Variants in FANCA observed in about 807,000 individuals in gnomAD.
The protein encoded by FANCA is FA complementation group A.
FANCA carries 236 observed loss-of-function variants against 194.3 expected under a neutral mutation model. The ratio of observed to expected loss-of-function variants is 1.21; its 90% CI spans 1.09 to 1.35. The LOEUF (loss-of-function observed/expected upper bound fraction) is 1.35. FANCA is among the 40% of genes most tolerant of loss of function. The probability of loss-of-function intolerance (pLI) is 0.00; values close to 1 mark genes in which losing one functional copy is unlikely to be tolerated. For synonymous variants in FANCA, 1,014 were observed against 715.8 expected, an observed-to-expected ratio of 1.42 and a Z score of -6.65; for missense variants, 2,628 against 1,813.9, an observed-to-expected ratio of 1.45 and a Z score of -8.15.
chr16:89,811,917 A>C lies in FANCA; in HGVS notation c.284-846T>G, dbSNP rs78929077. Among the ~76,000 whole-genome samples the C allele has an allele frequency of 2.8e-3, 422 of 151,668 alleles. 1 individual carries two copies. Among genetic ancestry groups the C allele is most frequent in the African/African-American group, 9.9e-3 (409 of 41,480 alleles). On this transcript the variant is annotated intron_variant, in intron 3 of 42. Transcript: ENST00000389301. ...AGTTAATTTTTTGTATTTTTAGTAG[A>C]GATGGGGTTTCACTATGTTGGCTAG...
chr16:89,801,430 G>A (rs2040450448), intron 8 of FANCA, among the ~76,000 whole-genome samples: 1 of 151,504 alleles, frequency 6.6e-6, no homozygotes, highest in Non-Finnish European at 1.5e-5. Flanking sequence ...ACTCCAGTTA[G>A]AATTATCATT....
chr16:89,803,966 G>GATT (rs958600356), intron 7 of FANCA, among the ~76,000 whole-genome samples: 13 of 152,148 alleles, frequency 8.5e-5, no homozygotes, highest in South Asian at 8.3e-4. Flanking sequence ...AGGTCTTATG[G>GATT]ATTGTCTTGC....
At position 89,816,206 on chromosome 16, in the gene FANCA, C is replaced by A; in HGVS notation, c.80-220G>T. The stretch of plus-strand genomic sequence containing the variant: ...CAGGAGGGCCCGAGGCAGGGGAGCC[C>A]GGGGACGGCTGGCGAGGGGCGGCCT... On this transcript the variant is annotated intron_variant, in intron 1 of 42. Coordinates refer to ENST00000389301, the MANE Select transcript of FANCA (RefSeq NM_000135.4). 3 of 547,892 alleles carry A rather than the reference C, an allele frequency of 5.5e-6. 1 individual carries two copies. The East Asian group carries it at 1.0e-4, about 18-fold the overall frequency. 33.9% of individuals were successfully genotyped at this position (547,892 alleles called of 1,614,324 possible).
intron 5 of FANCA, 106 bp from the exon 6 acceptor site, chr16:89,808,473 AC>A: frequency 8.6e-7 from 1 of 1,161,312 alleles, no homozygotes; most frequent in Non-Finnish European, 1.3e-6. Context: ...TAGGTTCTTA[AC>A]CATGCCGTAT....
Position 89,749,827 on chromosome 16 carries a change from G to A in FANCA, c.3142C>T (p.Leu1048Phe). 1 of 1,614,242 alleles carries A rather than the reference G, an allele frequency of 6.2e-7. No individual in the cohort carries two copies. The highest frequency in any genetic ancestry group is 8.5e-7 in the Non-Finnish European group (1 of 1,180,046). Residue 1048 changes from leucine to phenylalanine, a missense_variant, in exon 32 of 43, where the codon CTC becomes TTC. By Grantham distance (22) the Leu-to-Phe change is conservative. Transcript: ENST00000389301. The part of the protein sequence containing the change: ...LGHTPSQEHF[L>F]FEIFRRRLQA... ...AGCCGTCTGCGGAAAATCTCAAAGA[G>A]GAAGTGCTCCTGGGAAGGGGTGTGG... is the stretch of plus-strand genomic sequence containing the variant.
At chr16:89,763,926 A>C (rs891213865) in intron 28 of FANCA, among the ~76,000 whole-genome samples, 6 of 143,602 alleles carry the variant, frequency 4.2e-5, no homozygotes, top group Non-Finnish European at 6.1e-5. Flanking sequence ...ACCAGAAAAA[A>C]AAAACAAAAC....
In FANCA at chr16:89,799,229, G is replaced by T; in HGVS notation, c.830C>A (p.Ala277Glu). Reference protein sequence around the residue: ...VDVLQRMLIFALDALAAGVQE... With the variant: ...VDVLQRMLIFELDALAAGVQE... ...TACTCCAGCAGCCAAAGCGTCAAGT[G>T]CAACTGAAGACAGAGCCAGGAACAG... is the stretch of plus-strand genomic sequence containing the variant. Residue 277 changes from alanine (A) to glutamate (E), a missense_variant, in exon 10 of 43, where the codon GCA becomes GAA. By Grantham distance (107) the Ala-to-Glu change is moderately radical (BLOSUM62 -1). Transcript: ENST00000389301. The T allele has an allele frequency of 3.1e-6, 5 of 1,614,034 alleles. No homozygotes were observed. The highest frequency in any genetic ancestry group is 4.2e-6 in the Non-Finnish European group (5 of 1,180,038).
chr16:89,805,227 T>A, intron 7 of FANCA, 53 bp downstream of exon 7: 2 of 1,395,390 alleles, frequency 1.4e-6, no homozygotes, highest in Non-Finnish European at 1.0e-6. Context: ...GAAGGCATTA[T>A]CACAGATCAA....
At chr16:89,746,936 G>C in intron 33 of FANCA, 46 bp from the exon 34 acceptor site, 1 of 1,513,494 alleles carries the variant, frequency 6.6e-7, no homozygotes, top group Non-Finnish European at 9.0e-7. Context: ...CAGGAAGAGA[G>C]GCGAGACCAA....
At chr16:89,798,895 G>C (rs2040341704) in intron 10 of FANCA, 1 of 1,585,924 alleles carries the variant, frequency 6.3e-7, no homozygotes, top group Non-Finnish European at 8.5e-7. Flanking sequence ...CAGTGAGTGG[G>C]ACAAACATTG....
At chr16:89,739,845 C>G in intron 39 of FANCA, 149 bp downstream of exon 39, 1 of 1,507,000 alleles carries the variant, frequency 6.6e-7, no homozygotes, top group Non-Finnish European at 8.8e-7. Flanking sequence ...TTGCTTTAAA[C>G]AAGTTTGTGC....
chr16:89,746,776 G>A, intron 34 of FANCA, 55 bp downstream of exon 34: 1 of 1,588,206 alleles, frequency 6.3e-7, no homozygotes, highest in Non-Finnish European at 8.6e-7. Flanking sequence ...CTGACAGGAG[G>A]ATCCACCCAC....
At chr16:89,783,169 A>G in intron 15 of FANCA, 67 bp from the exon 16 acceptor site, 7 of 1,199,456 alleles carry the variant, frequency 5.8e-6, no homozygotes, top group Non-Finnish European at 8.6e-6. Context: ...GGGAGGCCAC[A>G]ATTCACTTCC....
rs2039158421 is a variant in FANCA, at chr16:89,767,181, T to A, written c.2561A>T (p.Asp854Val). Reference protein sequence around the residue: ...SLCKFSSQSRDTLCSCLSPGL... With the variant: ...SLCKFSSQSRVTLCSCLSPGL... Reference sequence around the variant, plus strand: ...TGGAGATAAGCAGCTGCACAAAGTATCTCGTGACTGGGAAGAAAACTTGCA... The same window carrying A: ...TGGAGATAAGCAGCTGCACAAAGTAACTCGTGACTGGGAAGAAAACTTGCA... Residue 854 changes from aspartate to valine, a missense_variant, in exon 27 of 43, where the codon GAT becomes GTT. Asp to Val is a radical substitution (Grantham distance 152). Transcript: ENST00000389301. The A allele has an allele frequency of 2.5e-6, 4 of 1,613,954 alleles. No homozygotes were observed. Among genetic ancestry groups the A allele is most frequent in the Non-Finnish European group, 3.4e-6 (4 of 1,179,868 alleles).
At chr16:89,747,813 T>TC (rs1231222797) in intron 33 of FANCA, among the ~76,000 whole-genome samples, 2 of 152,120 alleles carry the variant, frequency 1.3e-5, no homozygotes, top group Non-Finnish European at 2.9e-5. Flanking sequence ...AAAAAGGCCT[T>TC]CGGGAGCAGA....
At chr16:89,792,698 A>G in intron 11 of FANCA, 151 bp from the exon 12 acceptor site, 1 of 671,434 alleles carries the variant, frequency 1.5e-6, no homozygotes, top group African/African-American at 1.8e-5. Flanking sequence ...AAGAGATAAA[A>G]GACAAGACAG....
chr16:89,761,961 G>GA lies in FANCA; in HGVS notation c.2839dup (p.Ser947PhefsTer4), dbSNP rs756367276. 11 of 1,613,758 alleles carry GA rather than the reference G, an allele frequency of 6.8e-6. No individual in the cohort carries two copies. Among genetic ancestry groups the GA allele is most frequent in the South Asian group, 3.3e-5 (3 of 91,086 alleles). On this transcript the variant is annotated frameshift_variant, in exon 29 of 43. Coordinates refer to ENST00000389301, the MANE Select transcript of FANCA (RefSeq NM_000135.4). LOFTEE classifies it high-confidence loss of function. ...TTTCAACACTTACCGTTCAGTATCT[G>GA]AAAGAGCATCAGCTTCAGGTTGAAT...
chr16:89,773,367 T>A lies in FANCA; in HGVS notation c.1918A>T (p.Arg640Trp). The change falls in exon 22 of 43, where the codon AGG (arginine) becomes TGG (tryptophan). Residue 640 changes from arginine (R) to tryptophan (W), a missense_variant. By Grantham distance (101) the Arg-to-Trp change is moderately radical. Transcript: ENST00000389301. Reference sequence around the variant, plus strand: ...TCCTCAGCAGAGTTGGGTTCTGCCCTCACTCCCAGGGCTGCATCTGTGAGA... The same window carrying A: ...TCCTCAGCAGAGTTGGGTTCTGCCCACACTCCCAGGGCTGCATCTGTGAGA... ...EKPEDAALGV[R>W]AEPNSAEEPL... 1 of 1,551,214 alleles carries A rather than the reference T, an allele frequency of 6.4e-7. No individual in the cohort carries two copies. The highest frequency in any genetic ancestry group is 8.7e-7 in the Non-Finnish European group (1 of 1,146,708).
In FANCA at chr16:89,748,658, C is replaced by T. The variant is rs751266148; in HGVS notation, c.3348+1G>A. On this transcript the variant is annotated splice_donor_variant, in intron 33 of 42. Transcript: ENST00000389301. LOFTEE classifies it high-confidence loss of function. ...CGGACACGTGCACACGGGGCACCTA[C>T]CATCTCAGAGTTGACCAAGTGGAAG... The T allele has an allele frequency of 3.7e-6, 6 of 1,612,430 alleles. No homozygotes were observed. The highest frequency in any genetic ancestry group is 2.2e-5 in the East Asian group (1 of 44,872).
Sources: allele counts gnomAD v4.1 joint callset (sites outside exome capture counted in the v4.1 genomes callset), GRCh38; gene constraint gnomAD v4.1.1; transcripts MANE v1.5; gene names NCBI Gene and HGNC (gene_info 2026-07-23, HGNC 2026-07-21).